MED12L: variants seen among roughly 807,000 people sequenced by gnomAD.
MED12L encodes the protein mediator complex subunit 12L, also known as mediator of RNA polymerase II transcription subunit 12-like protein.
In MED12L, 60 loss-of-function variants were observed where a neutral mutation model predicts 281.3. The ratio of observed to expected loss-of-function variants is 0.21; its 90% CI spans 0.17 to 0.26. MED12L has a LOEUF of 0.26. Among genes scored for constraint, MED12L ranks in the 10% least tolerant of loss-of-function variants. The probability of loss-of-function intolerance (pLI) is 1.00; values close to 1 mark genes in which losing one functional copy is unlikely to be tolerated. For missense variants in MED12L, 2,146 were observed against 2,680.9 expected (o/e 0.80, Z 4.41); for synonymous variants, 974 against 987.2 (o/e 0.99, Z 0.25).
At chr3:151,302,800 T>C (rs993193477) in intron 16 of MED12L, among the ~76,000 whole-genome samples, 1 of 152,100 alleles carries the variant, frequency 6.6e-6, no homozygotes, top group African/African-American at 2.4e-5. Flanking sequence ...TTACTAAGAG[T>C]CTGCTCATAT....
intron 16 of MED12L, chr3:151,337,623 G>A: frequency 1.7e-6 from 1 of 603,142 alleles, no homozygotes; most frequent in Non-Finnish European, 2.9e-6. Flanking sequence ...CTACAGTTTA[G>A]ATTAGTTTTC....
At chr3:151,286,565 G>A (rs922723066) in intron 16 of MED12L, among the ~76,000 whole-genome samples, 3 of 152,162 alleles carry the variant, frequency 2.0e-5, no homozygotes, top group African/African-American at 7.2e-5. Context: ...CACAGTTTGT[G>A]TTAGCTCCAT....
intron 16 of MED12L, among the ~76,000 whole-genome samples, chr3:151,230,263 C>T (rs144883953): frequency 5.9e-5 from 9 of 152,294 alleles, no homozygotes; most frequent in East Asian, 5.8e-4. Flanking sequence ...CGTGAGCCAC[C>T]GCACCCGGCC....
chr3:151,094,704 TCA>T (rs1312728005), intron 2 of MED12L, among the ~76,000 whole-genome samples: 2 of 152,222 alleles, frequency 1.3e-5, no homozygotes, highest in African/African-American at 4.8e-5. Flanking sequence ...GGATTACCAC[TCA>T]CATGCAACCA....
intron 20 of MED12L, among the ~76,000 whole-genome samples, chr3:151,358,000 C>T (rs1213665307): frequency 6.6e-6 from 1 of 152,160 alleles, no homozygotes; most frequent in Non-Finnish European, 1.5e-5. Context: ...TTTATCCACT[C>T]TCCAGGGCTT....
At chr3:151,200,458 T>C (rs1725385171) in intron 16 of MED12L, among the ~76,000 whole-genome samples, 1 of 152,228 alleles carries the variant, frequency 6.6e-6, no homozygotes, top group Admixed American at 6.5e-5. Context: ...TACAACCTTT[T>C]TAAAAGAAGC....
intron 16 of MED12L, among the ~76,000 whole-genome samples, chr3:151,309,137 ACACG>A (rs1560011335): frequency 5.2e-5 from 7 of 134,094 alleles, no homozygotes; most frequent in Non-Finnish European, 9.4e-5. Flanking sequence ...ACACACACAC[ACACG>A]CACACACACA....
intron 16 of MED12L, among the ~76,000 whole-genome samples, chr3:151,236,909 T>C (rs539975068): frequency 1.3e-5 from 2 of 152,292 alleles, no homozygotes; most frequent in South Asian, 4.1e-4. Flanking sequence ...GTTTTTGCCA[T>C]TGTGAGTCAT....
chr3:151,320,938 G>A (rs138441842), intron 16 of MED12L, among the ~76,000 whole-genome samples: 108 of 152,288 alleles, frequency 7.1e-4, no homozygotes, highest in Middle Eastern at 3.4e-3. Context: ...GCCATGTAGG[G>A]TTGTAAAGCT....
chr3:151,239,603 CTG>C (rs1418098865), intron 16 of MED12L, among the ~76,000 whole-genome samples: 1 of 152,116 alleles, frequency 6.6e-6, no homozygotes, highest in Non-Finnish European at 1.5e-5. Context: ...AGTTTTATAA[CTG>C]TCACAATTTT....
At chr3:151,323,421 C>T (rs756926534) in intron 16 of MED12L, among the ~76,000 whole-genome samples, 6 of 152,186 alleles carry the variant, frequency 3.9e-5, no homozygotes, top group Non-Finnish European at 7.3e-5. Flanking sequence ...CAGTACAGTG[C>T]TTGGCTGTAC....
At position 151,369,495 on chromosome 3, in the gene MED12L, A is replaced by G. The variant is rs776228087; in HGVS notation, c.3610A>G (p.Asn1204Asp). ...TAGACACCTCTTAGCCGCTGCTCAC[A>G]ACAGCATTGAAGTGGGAGCCGTGTT... ...CDRHLLAAAH[N>D]SIEVGAVFAV... The change falls in exon 26 of 45, where the codon AAC becomes GAC. Residue 1204 changes from asparagine to aspartate, a missense_variant. By Grantham distance (23) the Asn-to-Asp change is conservative. Coordinates refer to ENST00000687756, the MANE Select transcript of MED12L (RefSeq NM_001393769.1). The G allele has an allele frequency of 6.2e-6, 10 of 1,612,426 alleles. No homozygotes were observed. Among genetic ancestry groups the G allele is most frequent in the South Asian group, 1.1e-5 (1 of 90,948 alleles).
At chr3:151,319,326 G>C (rs575278316) in intron 16 of MED12L, among the ~76,000 whole-genome samples, 2 of 152,054 alleles carry the variant, frequency 1.3e-5, no homozygotes, top group South Asian at 4.2e-4. Context: ...AAAGCCCCGG[G>C]AATCTTCATA....
intron 16 of MED12L, among the ~76,000 whole-genome samples, chr3:151,220,940 A>C (rs1729216413): frequency 6.6e-6 from 1 of 152,204 alleles, no homozygotes; most frequent in Non-Finnish European, 1.5e-5. Flanking sequence ...AAGACAGGAA[A>C]ATGTAGGTAA....
intron 2 of MED12L, among the ~76,000 whole-genome samples, chr3:151,089,806 TACAA>T (rs532913583): frequency 6.6e-6 from 1 of 152,122 alleles, no homozygotes; most frequent in Non-Finnish European, 1.5e-5. Flanking sequence ...CTTTGCTTCC[TACAA>T]ACAGACTGTG....
At chr3:151,368,674 C>CATTTT (rs1391385450) in intron 25 of MED12L, among the ~76,000 whole-genome samples, 25 of 55,476 alleles carry the variant, frequency 4.5e-4, no homozygotes, top group Non-Finnish European at 6.2e-4. Flanking sequence ...CATTTCATTT[C>CATTTT]ATGTCATTTC....
intron 39 of MED12L, among the ~76,000 whole-genome samples, chr3:151,407,048 G>A (rs115172903): frequency 0.031 from 4,707 of 152,116 alleles, 234 homozygotes; most frequent in African/African-American, 0.11. Flanking sequence ...TGATTCACCC[G>A]CCTCGGCCTC....
chr3:151,400,422 A>C (rs1339166139), intron 39 of MED12L, among the ~76,000 whole-genome samples: 3 of 152,204 alleles, frequency 2.0e-5, no homozygotes, highest in Non-Finnish European at 4.4e-5. Flanking sequence ...ATTAATCATA[A>C]GGATTTTTCA....
At chr3:151,178,783 A>G (rs1244618252) in intron 11 of MED12L, among the ~76,000 whole-genome samples, 1 of 152,216 alleles carries the variant, frequency 6.6e-6, no homozygotes, top group Non-Finnish European at 1.5e-5. Context: ...TAAATTGGGT[A>G]GGCACTCAGT....
Sources: gnomAD v4.1 joint callset for allele counts (sites outside exome capture counted in the v4.1 genomes callset) on GRCh38, gnomAD v4.1.1 for gene constraint, MANE v1.5 for transcripts, NCBI Gene and HGNC (gene_info 2026-07-23, HGNC 2026-07-21) for gene names.